The following DPP10 variants were observed in gnomAD, a reference collection of about 807,000 sequenced individuals.
The protein encoded by DPP10 is inactive dipeptidyl peptidase 10.
In DPP10, 33 loss-of-function variants were observed where a neutral mutation model predicts 120.9. The ratio of observed to expected loss-of-function variants is 0.27; its 90% confidence interval spans 0.21 to 0.37. DPP10 has a LOEUF of 0.37. DPP10 is among the 10% of genes least tolerant of loss of function. The probability of loss-of-function intolerance (pLI) is 1.00; values close to 1 mark genes in which losing one functional copy is unlikely to be tolerated. For missense variants in DPP10, 816 were observed against 942.8 expected, an observed-to-expected ratio of 0.87 and a Z score of 1.76; for synonymous variants, 337 against 326.1, an observed-to-expected ratio of 1.03 and a Z score of -0.36.
intron 3 of DPP10, among the ~76,000 whole-genome samples, chr2:115,382,515 T>G (rs975827235): frequency 7.2e-5 from 11 of 152,198 alleles, no homozygotes; most frequent in Non-Finnish European, 1.2e-4. Context: ...AAATCACTGG[T>G]CTTCTGCATC....
At chr2:114,595,952 G>T (rs3943836) in intron 1 of DPP10, among the ~76,000 whole-genome samples, 22,759 of 151,980 alleles carry the variant, frequency 0.15, 2,120 homozygotes, top group African/African-American at 0.26. Flanking sequence ...GTTTGCCAAT[G>T]GTTGCTATTA....
In DPP10 at chr2:114,870,802, A is replaced by G. The variant is rs1483766860; in HGVS notation, c.60+427964A>G. On this transcript the variant is annotated intron_variant, in intron 1 of 25. Transcript: ENST00000410059. ...CATTTTTATTTTAGATAAAGTGCCT[A>G]TTTTACATAGATTTCCTCTTAACAG... Among the ~76,000 whole-genome samples, 2 of 135,352 alleles carry G rather than the reference A, an allele frequency of 1.5e-5. 1 individual carries two copies. Among genetic ancestry groups the G allele is most frequent in the Non-Finnish European group, 3.2e-5 (2 of 61,924 alleles). The allele number at this position is 135,352 out of a possible 152,430, so 88.8% of individuals were successfully genotyped here.
chr2:115,088,606 T>C (rs1224153415), intron 1 of DPP10, among the ~76,000 whole-genome samples: 2 of 151,696 alleles, frequency 1.3e-5, no homozygotes, highest in Non-Finnish European at 2.9e-5. Context: ...CCATGCCTGA[T>C]TGATTTTTTT....
chr2:114,453,949 C>T (rs906843070), intron 1 of DPP10, among the ~76,000 whole-genome samples: 1 of 152,034 alleles, frequency 6.6e-6, no homozygotes, highest in African/African-American at 2.4e-5. Flanking sequence ...CTTTAAAAAG[C>T]TTACAGTCCG....
intron 5 of DPP10, among the ~76,000 whole-genome samples, chr2:115,529,138 T>C (rs1422037225): frequency 6.6e-6 from 1 of 152,120 alleles, no homozygotes; most frequent in Non-Finnish European, 1.5e-5. Flanking sequence ...CTGTAATTTT[T>C]TAAAAAGTCC....
intron 1 of DPP10, among the ~76,000 whole-genome samples, chr2:115,007,106 T>A (rs529204895): frequency 6.6e-6 from 1 of 152,176 alleles, no homozygotes; most frequent in East Asian, 1.9e-4. Flanking sequence ...AACAACCTAC[T>A]CCTGAATGAC....
intron 5 of DPP10, among the ~76,000 whole-genome samples, chr2:115,620,100 T>C (rs1156280375): frequency 6.6e-6 from 1 of 152,212 alleles, no homozygotes; most frequent in Non-Finnish European, 1.5e-5. Flanking sequence ...CAGCTGTTTT[T>C]CAGCAGAATG....
In DPP10 at chr2:115,672,732, TTCTC is replaced by T. The variant is rs150320127; in HGVS notation, c.442-16943_442-16940del. 1.7e-3 allele frequency among the ~76,000 whole-genome samples: 239 copies of T among 144,756 alleles called. 5 individuals are homozygous for T. Among genetic ancestry groups the T allele is most frequent in the African/African-American group, 5.5e-3 (214 of 39,254 alleles). The allele number at this position is 144,756 out of a possible 152,430, so 95.0% of individuals were successfully genotyped here. A position where few individuals can be genotyped will look rare whatever the true frequency, so the allele number is the denominator to read the frequency against. On this transcript the variant is annotated intron_variant, in intron 5 of 25. Transcript: ENST00000410059. ...TTTCTCTTTCTTTCTCTTTCTCTCTTTCTCTCTCTCTCTCTTTCTTTCTCTTTTT... is the reference window on the plus strand; with the variant it reads ...TTTCTCTTTCTTTCTCTTTCTCTCTTTCTCTCTCTCTTTCTTTCTCTTTTT...
intron 2 of DPP10, among the ~76,000 whole-genome samples, chr2:115,339,003 G>A (rs2106230093): frequency 6.6e-6 from 1 of 152,218 alleles, no homozygotes; most frequent in Admixed American, 6.5e-5. Flanking sequence ...TTTCTAAAGA[G>A]GGTGAAAAGA....
chr2:115,273,175 C>T (rs145564689), intron 1 of DPP10, among the ~76,000 whole-genome samples: 11 of 152,222 alleles, frequency 7.2e-5, no homozygotes, highest in Admixed American at 3.3e-4. Flanking sequence ...CTTGGATGTT[C>T]AAGTGTGGAG....
chr2:115,125,639 T>G (rs1195014913), intron 1 of DPP10, among the ~76,000 whole-genome samples: 1 of 149,974 alleles, frequency 6.7e-6, no homozygotes, highest in African/African-American at 2.5e-5. Context: ...TGGCATGATC[T>G]TGGCTTACGG....
Position 115,052,140 on chromosome 2 carries a change from G to A in DPP10, c.61-257099G>A, listed in dbSNP as rs375046861. Among the ~76,000 whole-genome samples the A allele has an allele frequency of 4.8e-4, 73 of 152,212 alleles. 1 individual carries two copies. Among genetic ancestry groups the A allele is most frequent in the African/African-American group, 1.7e-3 (71 of 41,542 alleles). Reference sequence around the variant, plus strand: ...ATAATATCGAAAAGAAAAACAAGGAGTTTGGGCCGCTATCTCTCACTACAT... The same window carrying A: ...ATAATATCGAAAAGAAAAACAAGGAATTTGGGCCGCTATCTCTCACTACAT... On this transcript the variant is annotated intron_variant, in intron 1 of 25. Coordinates refer to ENST00000410059, the MANE Select transcript of DPP10 (RefSeq NM_020868.6).
At chr2:114,834,612 TCTAAGCAC>T in intron 1 of DPP10, among the ~76,000 whole-genome samples, 1 of 134,390 alleles carries the variant, frequency 7.4e-6, no homozygotes, top group African/African-American at 2.8e-5. Flanking sequence ...ATAAGCCATA[TCTAAGCAC>T]CTATGTATAT....
chr2:114,823,657 C>G (rs1049525772), intron 1 of DPP10, among the ~76,000 whole-genome samples: 9 of 152,102 alleles, frequency 5.9e-5, no homozygotes, highest in African/African-American at 2.2e-4. Flanking sequence ...TTCTGGTGAA[C>G]TGGTATGTAA....
intron 1 of DPP10, among the ~76,000 whole-genome samples, chr2:114,499,601 G>A (rs954546713): frequency 5.3e-5 from 8 of 151,792 alleles, no homozygotes; most frequent in African/African-American, 1.9e-4. Flanking sequence ...TTAAGAGCAG[G>A]GACTGGGCTG....
intron 11 of DPP10, among the ~76,000 whole-genome samples, chr2:115,759,808 C>T (rs961947088): frequency 5.3e-5 from 8 of 152,054 alleles, no homozygotes; most frequent in African/African-American, 1.2e-4. Flanking sequence ...GTCAGGAGTT[C>T]GAGACCAGCC....
rs1240259519 is a variant in DPP10, at chr2:115,055,226, C to A, written c.61-254013C>A. Among the ~76,000 whole-genome samples the A allele has an allele frequency of 3.3e-5, 5 of 152,294 alleles. No homozygotes were observed. In the East Asian group the frequency reaches 9.7e-4, roughly 30 times the overall value. ...GTAATGTTTTGACTACTTTAGACTCCTGAAAACTGTGTTTTCCATCATTCT... is the reference window on the plus strand; with the variant it reads ...GTAATGTTTTGACTACTTTAGACTCATGAAAACTGTGTTTTCCATCATTCT... On this transcript the variant is annotated intron_variant, in intron 1 of 25. Transcript: ENST00000410059.
At chr2:115,472,375 A>C (rs975640512) in intron 3 of DPP10, among the ~76,000 whole-genome samples, 6 of 152,212 alleles carry the variant, frequency 3.9e-5, no homozygotes, top group Non-Finnish European at 8.8e-5. Context: ...TTTTTAAAAA[A>C]TTTCAAGTAG....
chr2:114,830,188 A>G (rs1686966364), intron 1 of DPP10, among the ~76,000 whole-genome samples: 1 of 151,970 alleles, frequency 6.6e-6, no homozygotes, highest in Non-Finnish European at 1.5e-5. Context: ...GTTATTGCCC[A>G]GAAGATAATC....
Sources: gnomAD v4.1 joint callset for allele counts (sites outside exome capture counted in the v4.1 genomes callset) on GRCh38, gnomAD v4.1.1 for gene constraint, MANE v1.5 for transcripts, NCBI Gene and HGNC (gene_info 2026-07-23, HGNC 2026-07-21) for gene names.